The following CLCN5 variants were observed in gnomAD, a reference collection of about 807,000 sequenced individuals.
CLCN5 encodes Cl-/H+ antiporter 5, also known as H(+)/Cl(-) exchange transporter 5.
CLCN5 carries 17 observed loss-of-function variants against 54.0 expected under a neutral mutation model. The ratio of observed to expected loss-of-function variants is 0.31; its 90% CI spans 0.22 to 0.47. The LOEUF (loss-of-function observed/expected upper bound fraction) is 0.47. Ranked by LOEUF, CLCN5 falls within the 20% of genes least tolerant of loss-of-function variation. The pLI, the probability that CLCN5 is intolerant of heterozygous loss-of-function variation, is 1.00. For missense variants in CLCN5, 448 were observed against 646.7 expected (o/e 0.69, Z 3.33); for synonymous variants, 222 against 233.0 (o/e 0.95, Z 0.43).
chrX:50,035,993 C>G (rs1557186484), intron 3 of CLCN5, among the ~76,000 whole-genome samples: 1 of 111,879 alleles, frequency 8.9e-6, no homozygotes, highest in Non-Finnish European at 1.9e-5. Flanking sequence ...TGGCCTACCC[C>G]AAATTCTGGC....
At position 49,947,896 on chromosome X, in the gene CLCN5, A is replaced by G. The variant is rs899690074; in HGVS notation, c.16+22582A>G. ...TTTTTAAGAAGCCTCTTTCTGACCT[A>G]AATTCTGTTCTGCCATCTTATTTCT... On this transcript the variant is annotated intron_variant, in intron 3 of 14. Transcript: ENST00000376091. Among the ~76,000 whole-genome samples the G allele has an allele frequency of 2.7e-5, 3 of 110,728 alleles. No homozygotes were observed. The Admixed American group carries it at 2.9e-4, about 11-fold the overall frequency.
chrX:49,931,476 A>G (rs782083209), intron 3 of CLCN5, among the ~76,000 whole-genome samples: 141 of 112,098 alleles, frequency 1.3e-3, no homozygotes, highest in African/African-American at 4.5e-3. Context: ...AATATCAGAT[A>G]TATGTACCCA....
At chrX:49,959,662 G>A (rs782785424) in intron 3 of CLCN5, among the ~76,000 whole-genome samples, 9 of 111,406 alleles carry the variant, frequency 8.1e-5, no homozygotes, top group Non-Finnish European at 1.7e-4. Flanking sequence ...ATTCTTTGAC[G>A]TGCATGCTAT....
chrX:50,007,641 C>T (rs782183425), intron 3 of CLCN5, among the ~76,000 whole-genome samples: 7 of 110,937 alleles, frequency 6.3e-5, no homozygotes, highest in Non-Finnish European at 9.4e-5. Context: ...CACAGATACT[C>T]GGACCTCTTC....
chrX:50,077,627 T>A (rs868908105), intron 7 of CLCN5, among the ~76,000 whole-genome samples: 1,451 of 95,937 alleles, frequency 0.015, 52 homozygotes, highest in African/African-American at 0.054. Flanking sequence ...AGAGAGTGTG[T>A]GTGTGTGTGT....
intron 9 of CLCN5, among the ~76,000 whole-genome samples, chrX:50,084,987 T>C (rs1438685882): frequency 8.9e-6 from 1 of 111,986 alleles, no homozygotes; most frequent in African/African-American, 3.3e-5. Context: ...ATGAAAGCCA[T>C]TGTAGCTAGG....
chrX:50,083,184 A>AT (rs1352861987), intron 9 of CLCN5, among the ~76,000 whole-genome samples: 3 of 103,538 alleles, frequency 2.9e-5, no homozygotes, highest in African/African-American at 1.2e-4. Flanking sequence ...ATGATTTCTT[A>AT]TGAAAACCAA....
chrX:49,927,844 G>A (rs1240783323), intron 3 of CLCN5, among the ~76,000 whole-genome samples: 1 of 112,350 alleles, frequency 8.9e-6, no homozygotes, highest in Non-Finnish European at 1.9e-5. Flanking sequence ...ATGAAATCCT[G>A]TCATTTGCAG....
In CLCN5 at chrX:50,096,131, C is replaced by T. The variant is rs1235435896; in HGVS notation, c.*3912C>T. On this transcript the variant is annotated 3_prime_UTR_variant, in exon 15 of 15. Coordinates refer to ENST00000376091, the MANE Select transcript of CLCN5 (RefSeq NM_001127898.4). ...TCAGAGCCAAATGCAAGCCACCCAT[C>T]AGTTCAGAGGAAGCAGGAAAACATC... 3 of 111,319 alleles carry T rather than the reference C, an allele frequency of 2.7e-5. No homozygotes were observed. Among genetic ancestry groups the T allele is most frequent in the Non-Finnish European group, 5.6e-5 (3 of 53,135 alleles). The allele number at this position is 111,319 out of a possible 1,213,427, so 9.2% of individuals were successfully genotyped here.
At chrX:49,948,840 A>G (rs1926890501) in intron 3 of CLCN5, among the ~76,000 whole-genome samples, 1 of 112,358 alleles carries the variant, frequency 8.9e-6, no homozygotes, top group African/African-American at 3.2e-5. Context: ...GTAAAATATA[A>G]ATATCTTAAT....
chrX:50,040,757 A>G (rs1932185850), intron 3 of CLCN5, among the ~76,000 whole-genome samples: 1 of 111,628 alleles, frequency 9.0e-6, no homozygotes, highest in South Asian at 3.8e-4. Flanking sequence ...ATCAATCTTC[A>G]TCTCATCTGG....
chrX:50,073,305 C>G (rs986961203), intron 6 of CLCN5, among the ~76,000 whole-genome samples: 1 of 111,514 alleles, frequency 9.0e-6, no homozygotes, highest in Non-Finnish European at 1.9e-5. Flanking sequence ...AATCTGTAAT[C>G]TTGAGCTGAA....
Position 50,072,542 on chromosome X carries a change from T to C in CLCN5, c.369T>C (p.Asp123=), listed in dbSNP as rs1933256682. 1 of 1,209,827 alleles carries C rather than the reference T, an allele frequency of 8.3e-7. No homozygotes were observed. Among genetic ancestry groups the C allele is most frequent in the East Asian group, 3.0e-5 (1 of 33,824 alleles). ...STWALIHSVS[D]AFSGWLLMLL... ...GGGCCTTAATTCACAGTGTGAGTGATGCTTTTTCCGGCTGGTTGTTGATGC... is the reference window on the plus strand; with the variant it reads ...GGGCCTTAATTCACAGTGTGAGTGACGCTTTTTCCGGCTGGTTGTTGATGC... The change falls in exon 6 of 15, where the codon GAT becomes GAC. Residue 123 remains aspartate (D), a synonymous_variant. Coordinates refer to ENST00000376091, the MANE Select transcript of CLCN5 (RefSeq NM_001127898.4).
At chrX:49,953,307 T>C (rs1411362428) in intron 3 of CLCN5, among the ~76,000 whole-genome samples, 1 of 111,823 alleles carries the variant, frequency 8.9e-6, no homozygotes, top group Admixed American at 9.5e-5. Flanking sequence ...TTTTTGTGTT[T>C]TTGTTTTGTT....
chrX:50,062,912 G>A lies in CLCN5; in HGVS notation c.164-6967G>A, dbSNP rs1177709453. ...ACAACCTGCTCCTGAATGACTACTG[G>A]GTAAATAACGAAATGAAGGCAGAAA... On this transcript the variant is annotated intron_variant, in intron 4 of 14. Transcript: ENST00000376091. Among the ~76,000 whole-genome samples, 3 of 107,851 alleles carry A rather than the reference G, an allele frequency of 2.8e-5. No individual in the cohort carries two copies. In the Admixed American group the frequency reaches 3.0e-4, roughly 11 times the overall value. The allele number at this position is 107,851 out of a possible 115,157, so 93.7% of individuals were successfully genotyped here.
At chrX:50,035,725 T>G (rs782328336) in intron 3 of CLCN5, among the ~76,000 whole-genome samples, 83 of 111,942 alleles carry the variant, frequency 7.4e-4, no homozygotes, top group African/African-American at 2.6e-3. Flanking sequence ...ATAAGTCTGT[T>G]GGTGTGGATG....
At chrX:50,009,055 A>C (rs1557182059) in intron 3 of CLCN5, 1 of 342,746 alleles carries the variant, frequency 2.9e-6, no homozygotes, top group East Asian at 8.1e-5. Flanking sequence ...TACATGTAGA[A>C]GGACCAACAA....
At chrX:49,997,626 G>A (rs113618657) in intron 3 of CLCN5, among the ~76,000 whole-genome samples, 6,358 of 110,098 alleles carry the variant, frequency 0.058, 477 homozygotes, top group African/African-American at 0.2. Flanking sequence ...CCTGGGCCCA[G>A]GCAATCCTCC....
At chrX:49,947,227 T>A (rs1488042534) in intron 3 of CLCN5, among the ~76,000 whole-genome samples, 1 of 111,874 alleles carries the variant, frequency 8.9e-6, no homozygotes, top group African/African-American at 3.2e-5. Flanking sequence ...TGTTTTTTCA[T>A]CTACTTACAA....
Sources: allele counts gnomAD v4.1 joint callset (sites outside exome capture counted in the v4.1 genomes callset), GRCh38; gene constraint gnomAD v4.1.1; transcripts MANE v1.5; gene names NCBI Gene and HGNC (gene_info 2026-07-23, HGNC 2026-07-21).